ACO1: variants seen among roughly 807,000 people sequenced by gnomAD.
ACO1 encodes aconitase 1, also known as cytoplasmic aconitate hydratase.
Under a neutral mutation model 105.1 loss-of-function variants are expected in ACO1, and 78 were observed. The ratio of observed to expected loss-of-function variants is 0.74; its 90% CI spans 0.62 to 0.90. The LOEUF (loss-of-function observed/expected upper bound fraction) is 0.90. Among genes scored for constraint, ACO1 ranks in the 40% least tolerant of loss-of-function variants. The pLI is 0.00. For synonymous variants in ACO1, 364 were observed against 397.4 expected (o/e 0.92, Z 1.00); for missense variants, 965 against 1,111.1 (o/e 0.87, Z 1.87).
chr9:32,451,523 A>G lies in ACO1; in HGVS notation c.*1412A>G, dbSNP rs928759910. 3 of 152,212 alleles carry G rather than the reference A, an allele frequency of 2.0e-5. No individual in the cohort carries two copies. The highest frequency in any genetic ancestry group is 7.2e-5 in the African/African-American group (3 of 41,438). The allele number at this position is 152,212 out of a possible 1,614,324, so 9.4% of individuals were successfully genotyped here. A position where few individuals can be genotyped will look rare whatever the true frequency, so the allele number is the denominator to read the frequency against. ...GGGGAGGGGCATGGGGAATGCTGGT[A>G]TAAGTCCCAGAGTCTGAATGCCCAG... On this transcript the variant is annotated 3_prime_UTR_variant, in exon 21 of 21. Transcript: ENST00000309951.
intron 19 of ACO1, among the ~76,000 whole-genome samples, chr9:32,442,261 A>T (rs968594475): frequency 3.9e-5 from 6 of 151,980 alleles, no homozygotes; most frequent in Non-Finnish European, 7.4e-5. Context: ...CAAAATTGTA[A>T]GAATCACTAG....
intron 4 of ACO1, among the ~76,000 whole-genome samples, chr9:32,414,152 CA>C (rs1037554283): frequency 6.7e-6 from 1 of 149,670 alleles, no homozygotes; most frequent in Non-Finnish European, 1.5e-5. Context: ...GACTCCGTCT[CA>C]AAAAAAAAGA....
At chr9:32,405,641 T>G (rs41298178) in intron 2 of ACO1, 38 bp downstream of exon 2, 260,125 of 1,411,104 alleles carry the variant, frequency 0.18, 25,855 homozygotes, top group South Asian at 0.29. Context: ...GAATCTCATT[T>G]GCACAATGAT....
intron 19 of ACO1, among the ~76,000 whole-genome samples, chr9:32,446,842 G>A (rs1430484545): frequency 6.6e-6 from 1 of 152,116 alleles, no homozygotes; most frequent in East Asian, 1.9e-4. Context: ...CTTAACATAT[G>A]AAGCTTAGTT....
chr9:32,390,983 T>C (rs773906627), intron 1 of ACO1, among the ~76,000 whole-genome samples: 1 of 152,218 alleles, frequency 6.6e-6, no homozygotes, highest in Non-Finnish European at 1.5e-5. Context: ...AGAGTGATTC[T>C]TGACTATATT....
At chr9:32,447,416 A>G (rs1822640877) in intron 19 of ACO1, among the ~76,000 whole-genome samples, 2 of 139,592 alleles carry the variant, frequency 1.4e-5, no homozygotes, top group Non-Finnish European at 3.0e-5. Flanking sequence ...CAGCTCTATC[A>G]GGTCATTTAT....
At chr9:32,421,412 T>A (rs1465390734) in intron 8 of ACO1, among the ~76,000 whole-genome samples, 1 of 152,214 alleles carries the variant, frequency 6.6e-6, no homozygotes, top group Non-Finnish European at 1.5e-5. Context: ...ATTGACTAGT[T>A]AATTAACATT....
chr9:32,415,175 TA>T, intron 4 of ACO1, among the ~76,000 whole-genome samples: 1 of 152,160 alleles, frequency 6.6e-6, no homozygotes, highest in East Asian at 1.9e-4. Flanking sequence ...AGAGGGCTTA[TA>T]AAGGATGGCT....
chr9:32,392,470 G>C (rs1440186426), intron 1 of ACO1, among the ~76,000 whole-genome samples: 1 of 152,194 alleles, frequency 6.6e-6, no homozygotes, highest in East Asian at 1.9e-4. Flanking sequence ...GAGCTTCTGG[G>C]TGACCTGGCA....
chr9:32,401,583 T>C (rs970078558), intron 1 of ACO1, among the ~76,000 whole-genome samples: 1 of 152,192 alleles, frequency 6.6e-6, no homozygotes, highest in Admixed American at 6.5e-5. Flanking sequence ...GGTGACAGGT[T>C]GGTGCCATGC....
chr9:32,450,155 C>T lies in ACO1; in HGVS notation c.*44C>T. ...TGCGCCCAGGGAGGAAGCCGCACCA[C>T]CAGCCAGCGCAGGCCCTGGTGGAGA... On this transcript the variant is annotated 3_prime_UTR_variant, in exon 21 of 21. Transcript: ENST00000309951. 1.3e-6 allele frequency: 2 copies of T among 1,505,648 alleles called. No individual in the cohort carries two copies. Among genetic ancestry groups the T allele is most frequent in the South Asian group, 2.3e-5 (2 of 88,822 alleles). The allele number at this position is 1,505,648 out of a possible 1,614,324, so 93.3% of individuals were successfully genotyped here. A position where few individuals can be genotyped will look rare whatever the true frequency, so the allele number is the denominator to read the frequency against.
chr9:32,416,815 G>C (rs940122483), intron 4 of ACO1, among the ~76,000 whole-genome samples: 1 of 152,162 alleles, frequency 6.6e-6, no homozygotes, highest in Non-Finnish European at 1.5e-5. Flanking sequence ...CTGTGTTATC[G>C]TCTAACTTTG....
intron 16 of ACO1, 70 bp from the exon 17 acceptor site, chr9:32,434,489 C>T (rs1288610470): frequency 2.5e-6 from 4 of 1,586,026 alleles, no homozygotes; most frequent in Admixed American, 1.7e-5. Context: ...GGGCCACCAT[C>T]GTAGAGACTG....
rs1822123115 is a variant in ACO1 at position 32,427,371 on chromosome 9, TG to T, written c.1422del (p.Ser475ValfsTer30). 6 of 1,614,216 alleles carry T rather than the reference TG, an allele frequency of 3.7e-6. No homozygotes were observed. Among genetic ancestry groups the T allele is most frequent in the Non-Finnish European group, 5.1e-6 (6 of 1,180,026 alleles). ...CTTACATCAAAACTAGCCTGTCTCC[TG>T]GGAGTGGCGTGGTCACCTACTACCT... ...MPYIKTSLSP[G>X]SGVVTYYLQE... On this transcript the variant is annotated frameshift_variant, in exon 12 of 21. Transcript: ENST00000309951. LOFTEE classifies it high-confidence loss of function.
intron 4 of ACO1, among the ~76,000 whole-genome samples, chr9:32,415,745 C>T (rs1821833828): frequency 6.6e-6 from 1 of 152,164 alleles, no homozygotes; most frequent in Non-Finnish European, 1.5e-5. Context: ...TTTTGCTCTT[C>T]TCGAACATGT....
chr9:32,418,603 C>A, intron 6 of ACO1, 92 bp downstream of exon 6: 2 of 1,402,894 alleles, frequency 1.4e-6, no homozygotes, highest in Non-Finnish European at 1.9e-6. Flanking sequence ...TACATGACCA[C>A]AAGTTTCCGA....
rs1031702690 is a variant in ACO1 at position 32,450,957 on chromosome 9, A to G, written c.*846A>G. 1 of 150,214 alleles carries G rather than the reference A, an allele frequency of 6.7e-6. No individual in the cohort carries two copies. Among genetic ancestry groups the G allele is most frequent in the Non-Finnish European group, 1.5e-5 (1 of 67,996 alleles). The allele number at this position is 150,214 out of a possible 1,614,324, so 9.3% of individuals were successfully genotyped here. ...ACCTTCATATTCTCCCATTTTTACAACTCTATCAGAACTGTACGGGTATAA... is the reference window on the plus strand; with the variant it reads ...ACCTTCATATTCTCCCATTTTTACAGCTCTATCAGAACTGTACGGGTATAA... On this transcript the variant is annotated 3_prime_UTR_variant, in exon 21 of 21. Transcript: ENST00000309951.
intron 12 of ACO1, among the ~76,000 whole-genome samples, chr9:32,428,112 CAAAAA>C (rs60470407): frequency 6.9e-6 from 1 of 144,836 alleles, no homozygotes; most frequent in Non-Finnish European, 1.5e-5. Context: ...CCTGTTTCTA[CAAAAA>C]AAAAAAATGT....
chr9:32,450,238 T>G lies in ACO1; in HGVS notation c.*127T>G, dbSNP rs761420645. Reference sequence around the variant, plus strand: ...CCTTGTAGATGGAGCAAGTGAGCACTGAGGGTCTGGTGCCAATCCTGTAGG... The same window carrying G: ...CCTTGTAGATGGAGCAAGTGAGCACGGAGGGTCTGGTGCCAATCCTGTAGG... On this transcript the variant is annotated 3_prime_UTR_variant, in exon 21 of 21. Transcript: ENST00000309951. The G allele has an allele frequency of 1.4e-5, 11 of 784,268 alleles. No homozygotes were observed. Among genetic ancestry groups the G allele is most frequent in the East Asian group, 9.8e-5 (4 of 40,834 alleles). The allele number at this position is 784,268 out of a possible 1,614,324, so 48.6% of individuals were successfully genotyped here.
Sources: gnomAD v4.1 joint callset for allele counts (sites outside exome capture counted in the v4.1 genomes callset) on GRCh38, gnomAD v4.1.1 for gene constraint, MANE v1.5 for transcripts, NCBI Gene and HGNC (gene_info 2026-07-23, HGNC 2026-07-21) for gene names.